The following TMEM38B variants were observed in gnomAD, a reference collection of about 807,000 sequenced individuals.
TMEM38B encodes the protein transmembrane protein 38B, also known as trimeric intracellular cation channel type B.
Under a neutral mutation model 28.7 loss-of-function variants are expected in TMEM38B, and 24 were observed. The observed-to-expected ratio is 0.84, with a 90% CI of 0.61 to 1.18. TMEM38B has a LOEUF of 1.18. TMEM38B is among the 50% of genes most tolerant of loss of function. The pLI is 0.00. For synonymous variants in TMEM38B, 131 were observed against 127.7 expected (o/e 1.03, Z -0.17); for missense variants, 380 against 350.9 (o/e 1.08, Z -0.66).
chr9:105,760,325 G>T, intron 5 of TMEM38B: 1 of 775,758 alleles, frequency 1.3e-6, no homozygotes, highest in Non-Finnish European at 2.4e-6. Context: ...CTGGCTGGAA[G>T]ATTAGTTTCT....
intron 4 of TMEM38B, among the ~76,000 whole-genome samples, chr9:105,736,735 C>A (rs1223200498): frequency 6.6e-6 from 1 of 152,202 alleles, no homozygotes; most frequent in Non-Finnish European, 1.5e-5. Context: ...ATCACCTCTT[C>A]CAAACTTTAC....
At chr9:105,749,793 A>C (rs900009612) in intron 5 of TMEM38B, among the ~76,000 whole-genome samples, 1 of 152,154 alleles carries the variant, frequency 6.6e-6, no homozygotes, top group Non-Finnish European at 1.5e-5. Flanking sequence ...TGATTGTGTC[A>C]CTTTTTGGCT....
intron 5 of TMEM38B, among the ~76,000 whole-genome samples, chr9:105,767,204 G>A (rs1826403858): frequency 1.3e-5 from 2 of 151,716 alleles, no homozygotes; most frequent in South Asian, 4.2e-4. Context: ...TGAAAAGACA[G>A]TTCTTTCCCT....
rs546944643 is a variant in TMEM38B at position 105,770,561 on chromosome 9, T to A, written c.661-3304T>A. The stretch of plus-strand genomic sequence containing the variant: ...AGGTTTTTTTTTACATTTGTAAAAA[T>A]GTAAACCCTATGATTTTAATTTATT... On this transcript the variant is annotated intron_variant, in intron 5 of 5. Coordinates refer to ENST00000374692, the MANE Select transcript of TMEM38B (RefSeq NM_018112.3). Among the ~76,000 whole-genome samples the A allele has an allele frequency of 5.3e-5, 8 of 152,188 alleles. No individual in the cohort carries two copies. In the South Asian group the frequency reaches 1.7e-3, roughly 32 times the overall value.
At chr9:105,762,128 A>G (rs1440923972) in intron 5 of TMEM38B, among the ~76,000 whole-genome samples, 1 of 152,120 alleles carries the variant, frequency 6.6e-6, no homozygotes, top group Non-Finnish European at 1.5e-5. Flanking sequence ...CTCATTTCTC[A>G]ATATAATTTC....
intron 1 of TMEM38B, among the ~76,000 whole-genome samples, 167 bp downstream of exon 1, chr9:105,694,939 T>G (rs1172465422): frequency 2.0e-5 from 3 of 152,178 alleles, no homozygotes; most frequent in Non-Finnish European, 4.4e-5. Flanking sequence ...TCTGACTTAC[T>G]GAGTGCAGAT....
rs187670136 is a variant in TMEM38B at position 105,744,979 on chromosome 9, G to A, written c.543-3094G>A. Among the ~76,000 whole-genome samples the A allele has an allele frequency of 2.0e-5, 3 of 152,234 alleles. No individual in the cohort carries two copies. In the East Asian group the frequency reaches 5.8e-4, roughly 29 times the overall value. ...ATATGTGCCACATTTTCTTAATCCA[G>A]TCTATCATTGTTGGATATTTGGGTT... On this transcript the variant is annotated intron_variant, in intron 4 of 5. Transcript: ENST00000374692.
intron 5 of TMEM38B, among the ~76,000 whole-genome samples, chr9:105,765,355 A>G (rs988252124): frequency 2.0e-5 from 3 of 152,240 alleles, no homozygotes; most frequent in Non-Finnish European, 2.9e-5. Context: ...ATATTAAACT[A>G]TATTCATGGA....
chr9:105,717,457 C>G (rs1836146000), intron 2 of TMEM38B, among the ~76,000 whole-genome samples: 1 of 151,922 alleles, frequency 6.6e-6, no homozygotes, highest in African/African-American at 2.4e-5. Context: ...CTGGGAACAA[C>G]TCTCTGTCAG....
In TMEM38B at chr9:105,748,120, A is replaced by G; in HGVS notation, c.590A>G (p.His197Arg). 6.2e-7 allele frequency: 1 copy of G among 1,613,664 alleles called. No individual in the cohort carries two copies. Among genetic ancestry groups the G allele is most frequent in the Non-Finnish European group, 8.5e-7 (1 of 1,179,712 alleles). The change falls in exon 5 of 6, where the codon CAC becomes CGC. Residue 197 changes from histidine (H) to arginine (R), a missense_variant. Physicochemically the swap from His to Arg is conservative, Grantham distance 29. Coordinates refer to ENST00000374692, the MANE Select transcript of TMEM38B (RefSeq NM_018112.3). ...GGGTCAGTTATCTTCACATTCCAGC[A>G]CACCCAGCATCTGGCAATATCAAAG... ...LLGSVIFTFQ[H>R]TQHLAISKHN... is the part of the protein sequence containing the mutation.
At chr9:105,696,441 G>A (rs958114662) in intron 1 of TMEM38B, among the ~76,000 whole-genome samples, 4 of 152,136 alleles carry the variant, frequency 2.6e-5, no homozygotes, top group South Asian at 2.1e-4. Context: ...CTGCCACCAA[G>A]TTCGGCTAAT....
chr9:105,714,603 G>A (rs1202059585), intron 2 of TMEM38B, among the ~76,000 whole-genome samples: 1 of 152,070 alleles, frequency 6.6e-6, no homozygotes, highest in Non-Finnish European at 1.5e-5. Flanking sequence ...AAATAATTAT[G>A]AGCTCATGGA....
intron 4 of TMEM38B, among the ~76,000 whole-genome samples, chr9:105,734,336 T>C (rs1454568156): frequency 6.6e-6 from 1 of 152,124 alleles, no homozygotes; most frequent in Non-Finnish European, 1.5e-5. Context: ...ATTAAATTTG[T>C]TAGGACTTGT....
intron 4 of TMEM38B, among the ~76,000 whole-genome samples, chr9:105,740,975 A>AT (rs11393845): frequency 0.21 from 31,794 of 151,940 alleles, 5,114 homozygotes; most frequent in East Asian, 0.46. Context: ...CCGATATGGG[A>AT]ACATGTTCTT....
chr9:105,737,574 G>A (rs771602904), intron 4 of TMEM38B, among the ~76,000 whole-genome samples: 6 of 152,184 alleles, frequency 3.9e-5, no homozygotes, highest in Non-Finnish European at 8.8e-5. Flanking sequence ...GAAGTGGGAT[G>A]CCTCAGCAGC....
At chr9:105,763,815 T>G (rs1209002988) in intron 5 of TMEM38B, among the ~76,000 whole-genome samples, 1 of 151,586 alleles carries the variant, frequency 6.6e-6, no homozygotes, top group Non-Finnish European at 1.5e-5. Flanking sequence ...TGATGAACAT[T>G]GATGCAAAAA....
chr9:105,765,834 C>T (rs1376856155), intron 5 of TMEM38B, among the ~76,000 whole-genome samples: 1 of 151,856 alleles, frequency 6.6e-6, no homozygotes, highest in Non-Finnish European at 1.5e-5. Context: ...CGGAGTCTTG[C>T]TCTGTCACCC....
rs534008816 is a variant in TMEM38B, at chr9:105,772,917, A to G, written c.661-948A>G. ...AACTTATCTATTCCTTTTGTGATGA[A>G]TATATACTTTTCTTCCACCTCCCCA... is the stretch of plus-strand genomic sequence containing the variant. On this transcript the variant is annotated intron_variant, in intron 5 of 5. Coordinates refer to ENST00000374692, the MANE Select transcript of TMEM38B (RefSeq NM_018112.3). 1.9e-4 allele frequency among the ~76,000 whole-genome samples: 29 copies of G among 152,200 alleles called. No individual in the cohort carries two copies. In the South Asian group the frequency reaches 3.9e-3, roughly 21 times the overall value.
At chr9:105,771,037 G>A (rs1261578758) in intron 5 of TMEM38B, among the ~76,000 whole-genome samples, 1 of 152,068 alleles carries the variant, frequency 6.6e-6, no homozygotes, top group Non-Finnish European at 1.5e-5. Context: ...AAAGAATGTG[G>A]CAGAGCTTTA....
Sources: gnomAD v4.1 joint callset for allele counts (sites outside exome capture counted in the v4.1 genomes callset) on GRCh38, gnomAD v4.1.1 for gene constraint, MANE v1.5 for transcripts, NCBI Gene and HGNC (gene_info 2026-07-23, HGNC 2026-07-21) for gene names.